The following C2CD2 variants were observed in gnomAD, a reference collection of about 807,000 sequenced individuals.
C2CD2 encodes C2 calcium dependent domain containing 2.
In C2CD2, 43 loss-of-function variants were observed where a neutral mutation model predicts 74.3. The ratio of observed to expected loss-of-function variants is 0.58; its 90% CI spans 0.45 to 0.75. The LOEUF (loss-of-function observed/expected upper bound fraction) is 0.75. Ranked by LOEUF, C2CD2 falls within the 30% of genes least tolerant of loss-of-function variation. The probability of loss-of-function intolerance (pLI) is 0.00; values close to 1 mark genes in which losing one functional copy is unlikely to be tolerated. For synonymous variants in C2CD2, 422 were observed against 390.7 expected (o/e 1.08, Z -0.94); for missense variants, 801 against 916.3 (o/e 0.87, Z 1.63).
intron 1 of C2CD2, among the ~76,000 whole-genome samples, chr21:41,950,340 A>C (rs2065440194): frequency 6.6e-6 from 1 of 152,144 alleles, no homozygotes; most frequent in Non-Finnish European, 1.5e-5. Flanking sequence ...CCTGGCGTCC[A>C]CCTGGCCAGC....
chr21:41,901,827 T>C, intron 11 of C2CD2, 78 bp from the exon 12 acceptor site: 1 of 1,301,790 alleles, frequency 7.7e-7, no homozygotes, highest in Non-Finnish European at 1.1e-6. Context: ...ATAATGGAAA[T>C]GGTCGATAAG....
chr21:41,947,081 T>C (rs971123630), intron 1 of C2CD2, among the ~76,000 whole-genome samples: 9 of 143,782 alleles, frequency 6.3e-5, no homozygotes, highest in African/African-American at 2.1e-4. Context: ...ACAATGTTAA[T>C]TTCTTTTTCT....
At chr21:41,900,225 G>C (rs2064877418) in intron 12 of C2CD2, among the ~76,000 whole-genome samples, 1 of 152,166 alleles carries the variant, frequency 6.6e-6, no homozygotes, top group Admixed American at 6.5e-5. Context: ...AGTGAGCCGA[G>C]ATTACGCCAC....
chr21:41,902,055 T>G (rs2064905932), intron 11 of C2CD2, among the ~76,000 whole-genome samples: 1 of 152,246 alleles, frequency 6.6e-6, no homozygotes, highest in Non-Finnish European at 1.5e-5. Flanking sequence ...TGCTGTTTGC[T>G]GACCCCTGGT....
intron 6 of C2CD2, 128 bp downstream of exon 6, chr21:41,914,470 G>T: frequency 1.5e-6 from 1 of 663,026 alleles, no homozygotes; most frequent in Non-Finnish European, 2.4e-6. Context: ...TTCTGCAACC[G>T]TGGCAGGGCT....
At position 41,914,086 on chromosome 21, in the gene C2CD2, C is replaced by T. The variant is rs966956400; in HGVS notation, c.844+512G>A. ...GTACTAAAAATACAAAATAGCCAGG[C>T]GTGGTGGTGCACGCCTGTAATCCCA... On this transcript the variant is annotated intron_variant, in intron 6 of 13. Coordinates refer to ENST00000380486, the MANE Select transcript of C2CD2 (RefSeq NM_015500.2). 3.9e-5 allele frequency among the ~76,000 whole-genome samples: 6 copies of T among 152,112 alleles called. No individual in the cohort carries two copies. The East Asian group carries it at 1.2e-3, about 29-fold the overall frequency.
intron 1 of C2CD2, among the ~76,000 whole-genome samples, chr21:41,946,546 C>T (rs1327970504): frequency 2.0e-5 from 3 of 152,206 alleles, no homozygotes; most frequent in Non-Finnish European, 4.4e-5. Context: ...TTGTAAGTTT[C>T]CTGAGGCCTC....
Position 41,928,616 on chromosome 21 carries a change from G to A in C2CD2, c.379-6531C>T, listed in dbSNP as rs2065237025. Among the ~76,000 whole-genome samples, 3 of 146,984 alleles carry A rather than the reference G, an allele frequency of 2.0e-5. No individual in the cohort carries two copies. The South Asian group carries it at 6.6e-4, about 32-fold the overall frequency. On this transcript the variant is annotated intron_variant, in intron 2 of 13. Coordinates refer to ENST00000380486, the MANE Select transcript of C2CD2 (RefSeq NM_015500.2). ...TTTACAGTTAGCTAGAGTGACAAATGTGGACAATTTTAAATCATGGTGCCC... is the reference window on the plus strand; with the variant it reads ...TTTACAGTTAGCTAGAGTGACAAATATGGACAATTTTAAATCATGGTGCCC...
At chr21:41,932,239 C>T (rs897749091) in intron 2 of C2CD2, among the ~76,000 whole-genome samples, 7 of 150,042 alleles carry the variant, frequency 4.7e-5, no homozygotes, top group Non-Finnish European at 6.0e-5. Context: ...GCGGGTGGCT[C>T]GTCCAGGCAG....
intron 8 of C2CD2, 23 bp from the exon 9 acceptor site, chr21:41,907,807 A>G: frequency 6.2e-7 from 1 of 1,613,762 alleles, no homozygotes; most frequent in Non-Finnish European, 8.5e-7. Context: ...GAGACAGGCA[A>G]GGGGTGCCGC....
At chr21:41,907,611 G>T in intron 9 of C2CD2, 49 bp downstream of exon 9, 4 of 1,589,788 alleles carry the variant, frequency 2.5e-6, no homozygotes, top group Non-Finnish European at 3.4e-6. Flanking sequence ...CGCTCCTTGG[G>T]TAAGTGCCCC....
At position 41,907,102 on chromosome 21, in the gene C2CD2, T is replaced by C; in HGVS notation, c.1208A>G (p.Lys403Arg). ...WPIPPPVPAA[K>R]IEKDRTVMPC... ...CATCACCGTGCGGTCCTTTTCTATTTTTGCAGCAGGAACAGGGGGAGGGAT... is the reference window on the plus strand; with the variant it reads ...CATCACCGTGCGGTCCTTTTCTATTCTTGCAGCAGGAACAGGGGGAGGGAT... The change falls in exon 10 of 14, where the codon AAA becomes AGA. Residue 403 changes from lysine to arginine, a missense_variant. Transcript: ENST00000380486. 2 of 1,614,094 alleles carry C rather than the reference T, an allele frequency of 1.2e-6. No homozygotes were observed. Among genetic ancestry groups the C allele is most frequent in the Non-Finnish European group, 1.7e-6 (2 of 1,179,936 alleles).
At position 41,895,468 on chromosome 21, in the gene C2CD2, T is replaced by C. The variant is rs1320433154; in HGVS notation, c.1870+3585A>G. Among the ~76,000 whole-genome samples, 1 of 152,196 alleles carries C rather than the reference T, an allele frequency of 6.6e-6. No homozygotes were observed. The highest frequency in any genetic ancestry group is 1.5e-5 in the Non-Finnish European group (1 of 68,036). On this transcript the variant is annotated intron_variant, in intron 13 of 13. Coordinates refer to ENST00000380486, the MANE Select transcript of C2CD2 (RefSeq NM_015500.2). The surrounding 1 kb of genome is among the most constrained non-coding windows in gnomAD (Gnocchi z 5.0). ...GAAGCCTGACTACTTGACTCCAGGCTACCTTCTCTACGCCAACAGCAAGAA... is the reference window on the plus strand; with the variant it reads ...GAAGCCTGACTACTTGACTCCAGGCCACCTTCTCTACGCCAACAGCAAGAA...
chr21:41,912,600 C>T (rs568460744), intron 6 of C2CD2, among the ~76,000 whole-genome samples, 160 bp from the exon 7 acceptor site: 1 of 152,208 alleles, frequency 6.6e-6, no homozygotes, highest in South Asian at 2.1e-4. Flanking sequence ...AAGCGATTCT[C>T]CTGCCTCAGC....
rs558687827 is a variant in C2CD2 at position 41,927,765 on chromosome 21, G to T, written c.379-5680C>A. On this transcript the variant is annotated intron_variant, in intron 2 of 13. Transcript: ENST00000380486. ...ATTATAGGTGTGAGCCACTGTGCCC[G>T]GCCAAAGATGTATTTTTATAAGAAA... Among the ~76,000 whole-genome samples the T allele has an allele frequency of 3.0e-4, 46 of 152,194 alleles. 2 individuals are homozygous for T. In the South Asian group the frequency reaches 9.1e-3, roughly 30 times the overall value.
chr21:41,948,004 C>A (rs1036959177), intron 1 of C2CD2, among the ~76,000 whole-genome samples: 1 of 152,236 alleles, frequency 6.6e-6, no homozygotes, highest in African/African-American at 2.4e-5. Context: ...TTCCTGAATC[C>A]CTGTCTTGTT....
At chr21:41,905,317 T>C (rs2064947423) in intron 11 of C2CD2, among the ~76,000 whole-genome samples, 1 of 134,278 alleles carries the variant, frequency 7.4e-6, no homozygotes, top group Non-Finnish European at 1.5e-5. Flanking sequence ...AAACTTTTTT[T>C]TTTTTTTTTT....
At chr21:41,944,560 C>T (rs1271964446) in intron 1 of C2CD2, among the ~76,000 whole-genome samples, 1 of 146,842 alleles carries the variant, frequency 6.8e-6, no homozygotes, top group Admixed American at 6.8e-5. Context: ...AAAGAGTTTG[C>T]TGGAAAACTT....
Position 41,895,014 on chromosome 21 carries a change from G to A in C2CD2, c.1870+4039C>T, listed in dbSNP as rs958088144. Reference sequence around the variant, plus strand: ...AGCACCCGGAGATTCAACAGAACACGCACTGAGGTGCGGCTGGGAAGGCAT... The same window carrying A: ...AGCACCCGGAGATTCAACAGAACACACACTGAGGTGCGGCTGGGAAGGCAT... On this transcript the variant is annotated intron_variant, in intron 13 of 13. Transcript: ENST00000380486. This position sits in a 1 kb window ranked among gnomAD's most constrained non-coding sequence, Gnocchi z 5.0. 2.2e-5 allele frequency: 10 copies of A among 452,696 alleles called. No individual in the cohort carries two copies. Among genetic ancestry groups the A allele is most frequent in the African/African-American group, 1.0e-4 (5 of 50,034 alleles). 28.0% of individuals were successfully genotyped at this position (452,696 alleles called of 1,614,324 possible).
Sources: gnomAD v4.1 joint callset for allele counts (sites outside exome capture counted in the v4.1 genomes callset) on GRCh38, gnomAD v4.1.1 for gene constraint, Gnocchi (gnomAD v3.1) non-coding constraint, MANE v1.5 for transcripts, NCBI Gene and HGNC (gene_info 2026-07-23, HGNC 2026-07-21) for gene names.